The following STX8 variants were observed in gnomAD, a reference collection of about 807,000 sequenced individuals.
STX8 encodes the protein syntaxin-8.
A neutral mutation model predicts 37.5 loss-of-function variants in STX8; 23 were observed. The ratio of observed to expected loss-of-function variants is 0.61; its 90% CI spans 0.44 to 0.87. STX8 has a LOEUF of 0.87. Among genes scored for constraint, STX8 ranks in the 40% least tolerant of loss-of-function variants. The probability of loss-of-function intolerance (pLI) is 0.00; values close to 1 mark genes in which losing one functional copy is unlikely to be tolerated. For synonymous variants in STX8, 115 were observed against 99.1 expected, an observed-to-expected ratio of 1.16 and a Z score of -0.95; for missense variants, 313 against 284.7, an observed-to-expected ratio of 1.10 and a Z score of -0.71.
intron 6 of STX8, among the ~76,000 whole-genome samples, chr17:9,395,576 A>G (rs1385789804): frequency 6.6e-6 from 1 of 152,154 alleles, no homozygotes; most frequent in Non-Finnish European, 1.5e-5. Context: ...AGACTGTCTC[A>G]AACAAAACAA....
At chr17:9,266,367 T>C (rs1164757042) in intron 7 of STX8, among the ~76,000 whole-genome samples, 1 of 152,194 alleles carries the variant, frequency 6.6e-6, no homozygotes, top group Non-Finnish European at 1.5e-5. Context: ...GGACAGCAGC[T>C]CTTCCTCAGA....
At chr17:9,369,020 A>G (rs1911318665) in intron 7 of STX8, among the ~76,000 whole-genome samples, 1 of 152,042 alleles carries the variant, frequency 6.6e-6, no homozygotes, top group East Asian at 1.9e-4. Flanking sequence ...TCCTAGGTTC[A>G]AGGGATCCTC....
intron 6 of STX8, chr17:9,470,108 T>G (rs1426465062): frequency 6.6e-6 from 1 of 150,472 alleles, no homozygotes; most frequent in African/African-American, 2.4e-5. Flanking sequence ...ATGGTTAAAA[T>G]AAAAACAACA....
intron 7 of STX8, among the ~76,000 whole-genome samples, chr17:9,300,896 A>G (rs1270645): frequency 0.36 from 50,920 of 140,772 alleles, 9,295 homozygotes; most frequent in Middle Eastern, 0.49. Context: ...GCAGTGATGC[A>G]ATCTCGGCTC....
chr17:9,344,569 G>T (rs1910473454), intron 7 of STX8, among the ~76,000 whole-genome samples: 1 of 151,938 alleles, frequency 6.6e-6, no homozygotes, highest in Admixed American at 6.6e-5. Context: ...TCCTTTCTTT[G>T]CTCTCTTCCC....
chr17:9,389,704 AG>A (rs1912143377), intron 6 of STX8, among the ~76,000 whole-genome samples: 1 of 152,212 alleles, frequency 6.6e-6, no homozygotes, highest in African/African-American at 2.4e-5. Context: ...TAATGGCAGT[AG>A]TAAAGTCATT....
chr17:9,390,308 G>A (rs1182746309), intron 6 of STX8, among the ~76,000 whole-genome samples: 1 of 151,046 alleles, frequency 6.6e-6, no homozygotes, highest in Admixed American at 6.6e-5. Context: ...GATCACCTGA[G>A]ATCAGGAGTT....
intron 7 of STX8, among the ~76,000 whole-genome samples, chr17:9,296,602 A>C (rs902907030): frequency 6.7e-6 from 1 of 148,604 alleles, no homozygotes; most frequent in Non-Finnish European, 1.5e-5. Context: ...GGCTGGAAGG[A>C]AAAAAAGAAG....
intron 7 of STX8, among the ~76,000 whole-genome samples, chr17:9,327,353 A>AGGAGAG (rs1334598221): frequency 6.8e-6 from 1 of 148,006 alleles, no homozygotes; most frequent in Non-Finnish European, 1.5e-5. Flanking sequence ...GAGGAGGAGA[A>AGGAGAG]GGAGAGGGAG....
chr17:9,269,186 C>CA (rs34395133), intron 7 of STX8, among the ~76,000 whole-genome samples: 1,864 of 124,056 alleles, frequency 0.015, 13 homozygotes, highest in Middle Eastern at 0.031. Flanking sequence ...GACTCCGTCT[C>CA]AAAAAAAAAA....
intron 5 of STX8, among the ~76,000 whole-genome samples, chr17:9,502,974 C>T (rs1325814557): frequency 5.3e-5 from 8 of 151,614 alleles, no homozygotes; most frequent in Non-Finnish European, 8.8e-5. Flanking sequence ...GGCATGATGG[C>T]GGGCGCCCGT....
rs1011291676 is a variant in STX8 at position 9,532,959 on chromosome 17, A to AT, written c.323+12212dup. Reference sequence around the variant, plus strand: ...TGTGCTAAGGCAACATATATTCCAAATTTTTTTTATCAGTTCCTACTTCAA... The same window carrying AT: ...TGTGCTAAGGCAACATATATTCCAAATTTTTTTTTATCAGTTCCTACTTCAA... On this transcript the variant is annotated intron_variant, in intron 4 of 7. Coordinates refer to ENST00000306357, the MANE Select transcript of STX8 (RefSeq NM_004853.3). Among the ~76,000 whole-genome samples the AT allele has an allele frequency of 2.6e-4, 39 of 152,286 alleles. 1 individual carries two copies. Among genetic ancestry groups the AT allele is most frequent in the South Asian group, 1.5e-3 (7 of 4,822 alleles).
rs548307536 is a variant in STX8 at position 9,522,704 on chromosome 17, T to A, written c.324-17542A>T. Among the ~76,000 whole-genome samples the A allele has an allele frequency of 1.9e-4, 29 of 150,952 alleles. No individual in the cohort carries two copies. The South Asian group carries it at 2.7e-3, about 14-fold the overall frequency. Reference sequence around the variant, plus strand: ...TCCAGCCTGGGCGAAAGAGCGAGACTCCATCTCAAAAAAAAAAAGTTGATA... The same window carrying A: ...TCCAGCCTGGGCGAAAGAGCGAGACACCATCTCAAAAAAAAAAAGTTGATA... On this transcript the variant is annotated intron_variant, in intron 4 of 7. Transcript: ENST00000306357.
chr17:9,431,933 C>T (rs1914000099), intron 6 of STX8, among the ~76,000 whole-genome samples: 2 of 152,274 alleles, frequency 1.3e-5, no homozygotes, highest in African/African-American at 4.8e-5. Flanking sequence ...CTGTGACTAT[C>T]TCAGCATACA....
chr17:9,524,831 G>A (rs1018549768), intron 4 of STX8, among the ~76,000 whole-genome samples: 1 of 142,292 alleles, frequency 7.0e-6, no homozygotes, highest in Non-Finnish European at 1.5e-5. Flanking sequence ...TTTTTGAGAT[G>A]GGGTGTCACT....
intron 6 of STX8, among the ~76,000 whole-genome samples, chr17:9,445,631 C>G (rs1300686437): frequency 6.6e-6 from 1 of 151,874 alleles, no homozygotes; most frequent in Non-Finnish European, 1.5e-5. Context: ...AATAACAGAT[C>G]AAGCAGGTAC....
At chr17:9,382,734 C>A (rs1291143505) in intron 6 of STX8, among the ~76,000 whole-genome samples, 1 of 152,156 alleles carries the variant, frequency 6.6e-6, no homozygotes, top group Non-Finnish European at 1.5e-5. Flanking sequence ...TAAAAAGGAA[C>A]TTTTCATCAT....
At chr17:9,288,555 G>A (rs906581652) in intron 7 of STX8, among the ~76,000 whole-genome samples, 24 of 152,006 alleles carry the variant, frequency 1.6e-4, no homozygotes, top group South Asian at 4.1e-4. Flanking sequence ...CCAGCTACTC[G>A]GGAGGCTGAG....
intron 7 of STX8, among the ~76,000 whole-genome samples, chr17:9,293,318 A>G (rs1908385391): frequency 6.6e-6 from 1 of 152,160 alleles, no homozygotes; most frequent in South Asian, 2.1e-4. Context: ...ACAGCTGGTA[A>G]CCAATGGAGC....
Sources: gnomAD v4.1 joint callset for allele counts (sites outside exome capture counted in the v4.1 genomes callset) on GRCh38, gnomAD v4.1.1 for gene constraint, MANE v1.5 for transcripts, NCBI Gene and HGNC (gene_info 2026-07-23, HGNC 2026-07-21) for gene names.